The following FXR1 variants were observed in gnomAD, a reference collection of about 807,000 sequenced individuals.
The protein encoded by FXR1 is RNA-binding protein FXR1.
Under a neutral mutation model 84.0 loss-of-function variants are expected in FXR1, and 15 were observed. The observed-to-expected ratio is 0.18, with a 90% CI of 0.12 to 0.27. The LOEUF is 0.27. FXR1 is among the 10% of genes least tolerant of loss of function. The pLI, the probability that FXR1 is intolerant of heterozygous loss-of-function variation, is 1.00. For synonymous variants in FXR1, 245 were observed against 250.7 expected, an observed-to-expected ratio of 0.98 and a Z score of 0.21; for missense variants, 480 against 774.4, an observed-to-expected ratio of 0.62 and a Z score of 4.51.
chr3:180,944,566 G>T (rs1476937845), intron 3 of FXR1, among the ~76,000 whole-genome samples: 1 of 151,310 alleles, frequency 6.6e-6, no homozygotes, highest in African/African-American at 2.4e-5. Flanking sequence ...GGCTCAAGCA[G>T]TCCTCCTGCC....
intron 1 of FXR1, chr3:180,927,537 A>C (rs912613693): frequency 7.3e-6 from 4 of 551,350 alleles, no homozygotes; most frequent in Non-Finnish European, 9.5e-6. Context: ...TTTTTTTTCC[A>C]CAACGGCTCC....
Position 180,968,064 on chromosome 3 carries a change from G to C in FXR1, c.1212G>C (p.Glu404Asp). The change falls in exon 14 of 17, where the codon GAG (glutamate) becomes GAC (aspartate). Residue 404 changes from glutamate (E) to aspartate (D), a missense_variant. This residue lies in a region of FXR1 where 157 missense variants were observed against 227.8 expected (regional missense o/e 0.69). Coordinates refer to ENST00000357559, the MANE Select transcript of FXR1 (RefSeq NM_005087.4). ...TTCTTTTCCAAGGTACAAATTCTGA[G>C]CTGTCTAACCCCTCTGAAACGGAAT... ...NYTSGYGTNSELSNPSETESE... is the reference protein window; with the variant it reads ...NYTSGYGTNSDLSNPSETESE... 6.2e-7 allele frequency: 1 copy of C among 1,608,622 alleles called. No individual in the cohort carries two copies. Among genetic ancestry groups the C allele is most frequent in the Non-Finnish European group, 8.5e-7 (1 of 1,175,032 alleles).
chr3:180,943,421 C>A (rs542863720), intron 3 of FXR1, among the ~76,000 whole-genome samples: 1 of 151,680 alleles, frequency 6.6e-6, no homozygotes, highest in African/African-American at 2.4e-5. Context: ...CGCCCACCAC[C>A]ATGCCCAGCT....
intron 15 of FXR1, among the ~76,000 whole-genome samples, chr3:180,970,839 T>A (rs1279646385): frequency 6.6e-6 from 1 of 152,192 alleles, no homozygotes; most frequent in African/African-American, 2.4e-5. Flanking sequence ...AGTTTAAGTC[T>A]GAGTTTTACT....
chr3:180,957,887 A>G lies in FXR1; in HGVS notation c.949A>G (p.Arg317Gly), dbSNP rs1268298492. Reference protein sequence around the residue: ...IVDKSGVVRVRIEGDNENKLP... With the variant: ...IVDKSGVVRVGIEGDNENKLP... ...GGACAAATCTGGTGTGGTTCGAGTG[A>G]GAATTGAAGGGGACAATGAAAATAA... The change falls in exon 10 of 17, where the codon AGA becomes GGA. Residue 317 changes from arginine (R) to glycine (G), a missense_variant. Around this residue, in one of 6 missense-constraint regions of FXR1, gnomAD observed 136 missense variants for 315.4 expected, o/e 0.43. Transcript: ENST00000357559. The G allele has an allele frequency of 6.3e-7, 1 of 1,581,620 alleles. No homozygotes were observed. Among genetic ancestry groups the G allele is most frequent in the African/African-American group, 1.3e-5 (1 of 74,096 alleles).
intron 1 of FXR1, among the ~76,000 whole-genome samples, chr3:180,913,252 A>G (rs1051964445): frequency 1.3e-5 from 2 of 152,088 alleles, no homozygotes; most frequent in Admixed American, 1.3e-4. Context: ...TGGGCCAACA[A>G]ATCTTTAGTG....
In FXR1 at chr3:180,978,045, T is replaced by A. The variant is rs1714394355; in HGVS notation, c.*1753T>A. 1 of 151,988 alleles carries A rather than the reference T, an allele frequency of 6.6e-6. No individual in the cohort carries two copies. Among genetic ancestry groups the A allele is most frequent in the Non-Finnish European group, 1.5e-5 (1 of 67,954 alleles). 9.4% of individuals were successfully genotyped at this position (151,988 alleles called of 1,614,324 possible). A position where few individuals can be genotyped will look rare whatever the true frequency, so the allele number is the denominator to read the frequency against. Reference sequence around the variant, plus strand: ...TTTCATGTCCTGATATTTAAAAAAATTACCCACAAATGTGTTTTTTTAAAT... The same window carrying A: ...TTTCATGTCCTGATATTTAAAAAAAATACCCACAAATGTGTTTTTTTAAAT... On this transcript the variant is annotated 3_prime_UTR_variant, in exon 17 of 17. Coordinates refer to ENST00000357559, the MANE Select transcript of FXR1 (RefSeq NM_005087.4).
At chr3:180,934,177 C>A (rs2108445174) in intron 2 of FXR1, among the ~76,000 whole-genome samples, 1 of 152,276 alleles carries the variant, frequency 6.6e-6, no homozygotes, top group African/African-American at 2.4e-5. Context: ...TAAGCTGTTT[C>A]TGGAATTGCC....
chr3:180,939,262 G>T (rs1036475929), intron 3 of FXR1, among the ~76,000 whole-genome samples: 7 of 152,070 alleles, frequency 4.6e-5, no homozygotes, highest in Admixed American at 1.3e-4. Flanking sequence ...ATACCGGTGG[G>T]GGGGTGTGGG....
Position 180,978,930 on chromosome 3 carries a change from G to A in FXR1, c.*2638G>A, listed in dbSNP as rs1714466255. On this transcript the variant is annotated 3_prime_UTR_variant, in exon 17 of 17. Transcript: ENST00000357559. Reference sequence around the variant, plus strand: ...AGGGGGCTACAACTTGTGCAAAATGGTGTCTCTGGTAACACTTCAGAAATA... The same window carrying A: ...AGGGGGCTACAACTTGTGCAAAATGATGTCTCTGGTAACACTTCAGAAATA... The A allele has an allele frequency of 6.6e-6, 1 of 152,018 alleles. No homozygotes were observed. Among genetic ancestry groups the A allele is most frequent in the South Asian group, 2.1e-4 (1 of 4,824 alleles). The allele number at this position is 152,018 out of a possible 1,614,324, so 9.4% of individuals were successfully genotyped here. A position where few individuals can be genotyped will look rare whatever the true frequency, so the allele number is the denominator to read the frequency against.
Position 180,976,207 on chromosome 3 carries a change from T to C in FXR1, c.1781T>C (p.Leu594Pro). The change falls in exon 17 of 17, where the codon CTA (leucine) becomes CCA (proline). Residue 594 changes from leucine to proline, a missense_variant. This residue lies in a region of FXR1 where 94 missense variants were observed against 81.8 expected (regional missense o/e 1.15). Coordinates refer to ENST00000357559, the MANE Select transcript of FXR1 (RefSeq NM_005087.4). Reference sequence around the variant, plus strand: ...GCTTCTGGCGATGACATTTCTAAGCTACAGCGTACTCCAGGAGAAGAAAAG... The same window carrying C: ...GCTTCTGGCGATGACATTTCTAAGCCACAGCGTACTCCAGGAGAAGAAAAG... ...TSASGDDISK[L>P]QRTPGEEKIN... 6.2e-7 allele frequency: 1 copy of C among 1,612,502 alleles called. No homozygotes were observed. Among genetic ancestry groups the C allele is most frequent in the Non-Finnish European group, 8.5e-7 (1 of 1,178,552 alleles).
intron 14 of FXR1, 108 bp downstream of exon 14, chr3:180,968,362 C>A: frequency 1.4e-6 from 1 of 728,660 alleles, no homozygotes; most frequent in Non-Finnish European, 2.4e-6. Context: ...TCTCTTGCTA[C>A]TCATTGTCTT....
intron 15 of FXR1, among the ~76,000 whole-genome samples, chr3:180,972,045 T>TAA (rs1022231854): frequency 6.6e-5 from 10 of 152,346 alleles, no homozygotes; most frequent in African/African-American, 2.4e-4. Context: ...TTCCCATCCC[T>TAA]AAAAGTTCAT....
chr3:180,930,991 T>C (rs1719816412), intron 1 of FXR1, among the ~76,000 whole-genome samples: 1 of 131,394 alleles, frequency 7.6e-6, no homozygotes, highest in African/African-American at 3.0e-5. Context: ...ATAACACCAC[T>C]GTACTCCAGC....
intron 13 of FXR1, among the ~76,000 whole-genome samples, chr3:180,964,225 A>ATTATT (rs1712505752): frequency 6.6e-6 from 1 of 152,170 alleles, no homozygotes; most frequent in Non-Finnish European, 1.5e-5. Flanking sequence ...ATTGCAGACT[A>ATTATT]TTATTATATT....
chr3:180,914,799 A>G (rs1717683121), intron 1 of FXR1: 4 of 983,972 alleles, frequency 4.1e-6, no homozygotes, highest in Middle Eastern at 5.2e-4. Flanking sequence ...TGGTACTTTG[A>G]CAAAGGTTGG....
chr3:180,942,377 C>CAAA (rs765066164), intron 3 of FXR1, among the ~76,000 whole-genome samples: 3,600 of 31,112 alleles, frequency 0.12, 804 homozygotes, highest in Non-Finnish European at 0.17. Flanking sequence ...GACTCCGTCT[C>CAAA]AAAAAAAAAA....
At position 180,948,479 on chromosome 3, in the gene FXR1, G is replaced by C. The variant is rs1400295501; in HGVS notation, c.403G>C (p.Glu135Gln). ...TFFKCTVDVP[E>Q]DLREACANEN... ...CTTTAAATGCACAGTGGATGTTCCTGAGGATTTGAGAGAGGCGTGAGTAAT... is the reference window on the plus strand; with the variant it reads ...CTTTAAATGCACAGTGGATGTTCCTCAGGATTTGAGAGAGGCGTGAGTAAT... Residue 135 changes from glutamate (E) to glutamine (Q), a missense_variant, in exon 5 of 17, where the codon GAG becomes CAG. By Grantham distance (29) the Glu-to-Gln change is conservative (BLOSUM62 2). This residue lies in a region of FXR1 where 136 missense variants were observed against 315.4 expected (regional missense o/e 0.43). Transcript: ENST00000357559. 1.9e-6 allele frequency: 3 copies of C among 1,604,622 alleles called. No individual in the cohort carries two copies. Among genetic ancestry groups the C allele is most frequent in the Non-Finnish European group, 2.6e-6 (3 of 1,173,350 alleles).
intron 1 of FXR1, chr3:180,914,774 C>A: frequency 1.0e-6 from 1 of 962,222 alleles, no homozygotes; most frequent in African/African-American, 1.8e-5. Context: ...ACTCATTTTG[C>A]CTCACAAAGT....
Sources: gnomAD v4.1 joint callset for allele counts (sites outside exome capture counted in the v4.1 genomes callset) on GRCh38, gnomAD v4.1.1 for gene constraint, gnomAD v4.1.1 regional missense constraint, MANE v1.5 for transcripts, NCBI Gene and HGNC (gene_info 2026-07-23, HGNC 2026-07-21) for gene names.